The following CFAP221 variants were observed in gnomAD, a reference collection of about 807,000 sequenced individuals.
CFAP221 encodes the protein cilia- and flagella-associated protein 221.
A neutral mutation model predicts 113.1 loss-of-function variants in CFAP221; 97 were observed. The ratio of observed to expected loss-of-function variants is 0.86; its 90% CI spans 0.73 to 1.02. The LOEUF (loss-of-function observed/expected upper bound fraction) is 1.02, where lower values mean the gene tolerates loss of function less well. CFAP221 is among the 50% of genes least tolerant of loss of function. The probability of loss-of-function intolerance (pLI) is 0.00; values close to 1 mark genes in which losing one functional copy is unlikely to be tolerated. For missense variants in CFAP221, 1,025 were observed against 1,013.4 expected, an observed-to-expected ratio of 1.01 and a Z score of -0.16; for synonymous variants, 331 against 354.4, an observed-to-expected ratio of 0.93 and a Z score of 0.74.
chr2:119,655,102 CTG>C (rs1198957657), intron 23 of CFAP221, among the ~76,000 whole-genome samples: 2 of 152,176 alleles, frequency 1.3e-5, no homozygotes, highest in Non-Finnish European at 2.9e-5. Flanking sequence ...CCCCTGAAGA[CTG>C]TTCTTTATTT....
chr2:119,560,130 C>A, intron 5 of CFAP221, 104 bp downstream of exon 5: 1 of 915,062 alleles, frequency 1.1e-6, no homozygotes, highest in Non-Finnish European at 1.6e-6. Context: ...CCACTGAGAG[C>A]TTTCTTGGCC....
chr2:119,582,303 A>G (rs1426492640), intron 6 of CFAP221, among the ~76,000 whole-genome samples: 1 of 152,200 alleles, frequency 6.6e-6, no homozygotes, highest in East Asian at 1.9e-4. Flanking sequence ...TTTGTTGTTT[A>G]AGCTAAAACT....
chr2:119,640,544 G>A (rs1687422741), intron 21 of CFAP221, among the ~76,000 whole-genome samples: 1 of 152,210 alleles, frequency 6.6e-6, no homozygotes, highest in Non-Finnish European at 1.5e-5. Flanking sequence ...CTGAGCCCTT[G>A]AATTCGCTTC....
chr2:119,564,742 T>C (rs1681503648), intron 6 of CFAP221, among the ~76,000 whole-genome samples: 1 of 152,218 alleles, frequency 6.6e-6, no homozygotes, highest in South Asian at 2.1e-4. Flanking sequence ...CTGTATGAAT[T>C]CACCACAGTT....
Position 119,589,018 on chromosome 2 carries a change from A to G in CFAP221, c.631+1796A>G, listed in dbSNP as rs560994574. Among the ~76,000 whole-genome samples the G allele has an allele frequency of 6.5e-4, 99 of 152,128 alleles. 1 individual carries two copies. Among genetic ancestry groups the G allele is most frequent in the African/African-American group, 2.3e-3 (94 of 41,510 alleles). On this transcript the variant is annotated intron_variant, in intron 7 of 23. Transcript: ENST00000413369. ...TGCAGAAGAGGAGAATGAAGGAGAG[A>G]GGGAAGCCCTGCAAGCCAGGGCTCT...
intron 16 of CFAP221, 37 bp from the exon 17 acceptor site, chr2:119,629,838 G>T: frequency 6.7e-7 from 1 of 1,497,602 alleles, no homozygotes; most frequent in South Asian, 1.1e-5. Flanking sequence ...CTTGCTCAGT[G>T]GTGATTGTTC....
intron 21 of CFAP221, among the ~76,000 whole-genome samples, chr2:119,642,956 G>C (rs1687584060): frequency 6.6e-6 from 1 of 151,184 alleles, no homozygotes; most frequent in Non-Finnish European, 1.5e-5. Context: ...TTAAGTTCTT[G>C]TTATTTTTAA....
chr2:119,556,073 A>T lies in CFAP221; in HGVS notation c.241-3616A>T, dbSNP rs573187365. ...AGCTCATTGGCACGATGTCCCCTGGAATTGTCTTAGACATTATTTGGTTGA... is the reference window on the plus strand; with the variant it reads ...AGCTCATTGGCACGATGTCCCCTGGTATTGTCTTAGACATTATTTGGTTGA... On this transcript the variant is annotated intron_variant, in intron 3 of 23. Transcript: ENST00000413369. The T allele has an allele frequency of 8.5e-5, 13 of 152,352 alleles. No homozygotes were observed. In the South Asian group the frequency reaches 2.7e-3, roughly 32 times the overall value. 9.4% of individuals were successfully genotyped at this position (152,352 alleles called of 1,614,324 possible).
chr2:119,621,915 A>G (rs1023513270), intron 14 of CFAP221, among the ~76,000 whole-genome samples: 1 of 152,234 alleles, frequency 6.6e-6, no homozygotes, highest in Non-Finnish European at 1.5e-5. Flanking sequence ...TATAGCACTA[A>G]ATGCCCACAG....
intron 1 of CFAP221, among the ~76,000 whole-genome samples, 199 bp downstream of exon 1, chr2:119,544,709 C>T (rs1428924111): frequency 6.6e-6 from 1 of 152,134 alleles, no homozygotes; most frequent in Non-Finnish European, 1.5e-5. Flanking sequence ...GACCCTGACC[C>T]TTAGCAGGAG....
At chr2:119,656,303 G>C in intron 23 of CFAP221, 59 bp from the exon 24 acceptor site, 1 of 1,386,896 alleles carries the variant, frequency 7.2e-7, no homozygotes. Flanking sequence ...GGCGGGGGGT[G>C]ATTTGCGTGG....
At chr2:119,581,513 G>A (rs1682842567) in intron 6 of CFAP221, among the ~76,000 whole-genome samples, 1 of 152,124 alleles carries the variant, frequency 6.6e-6, no homozygotes, top group Non-Finnish European at 1.5e-5. Flanking sequence ...AATAATACAG[G>A]AATTCACCCA....
In CFAP221 at chr2:119,593,054, A is replaced by G. The variant is rs545119974; in HGVS notation, c.631+5832A>G. 7.2e-5 allele frequency among the ~76,000 whole-genome samples: 11 copies of G among 152,318 alleles called. No homozygotes were observed. In the East Asian group the frequency reaches 1.9e-3, roughly 27 times the overall value. On this transcript the variant is annotated intron_variant, in intron 7 of 23. Coordinates refer to ENST00000413369, the MANE Select transcript of CFAP221 (RefSeq NM_001271049.2). ...AACTAGTAAAACCTTGAATGTTTTC[A>G]TGTTCTATTTGCTTTGTTCTCTTCC...
At chr2:119,576,652 C>G (rs1007587245) in intron 6 of CFAP221, among the ~76,000 whole-genome samples, 2 of 152,062 alleles carry the variant, frequency 1.3e-5, no homozygotes, top group Non-Finnish European at 2.9e-5. Flanking sequence ...GTGGGACTAC[C>G]GTACTTCTGG....
chr2:119,558,973 C>CTT (rs1681025442), intron 3 of CFAP221, among the ~76,000 whole-genome samples: 1 of 152,162 alleles, frequency 6.6e-6, no homozygotes, highest in African/African-American at 2.4e-5. Context: ...TGGGACAGAC[C>CTT]CAGCGTCTGG....
At chr2:119,627,931 A>G in intron 16 of CFAP221, 145 bp downstream of exon 16, 1 of 1,167,172 alleles carries the variant, frequency 8.6e-7, no homozygotes. Flanking sequence ...TACCAGTGGA[A>G]AACCAGGGAT....
intron 6 of CFAP221, among the ~76,000 whole-genome samples, chr2:119,578,849 A>T (rs932605735): frequency 6.6e-6 from 1 of 152,164 alleles, no homozygotes; most frequent in African/African-American, 2.4e-5. Context: ...TTTTAGTTAG[A>T]GTATATTTTT....
rs1278078542 is a variant in CFAP221, at chr2:119,625,946, C to G, written c.1516+258C>G. On this transcript the variant is annotated intron_variant, in intron 15 of 23. Transcript: ENST00000413369. The stretch of plus-strand genomic sequence containing the variant: ...CTCAACCTAGCATTCACACATTAAG[C>G]CTTTTAAACTTAATGGCTTAAAAGA... 3 of 443,176 alleles carry G rather than the reference C, an allele frequency of 6.8e-6. No homozygotes were observed. In the East Asian group the frequency reaches 1.2e-4, roughly 18 times the overall value. 27.5% of individuals were successfully genotyped at this position (443,176 alleles called of 1,614,324 possible).
At chr2:119,557,683 G>A (rs2104528678) in intron 3 of CFAP221, among the ~76,000 whole-genome samples, 1 of 151,412 alleles carries the variant, frequency 6.6e-6, no homozygotes, top group Admixed American at 6.6e-5. Context: ...TAGATGCTGG[G>A]TTAGGATCCT....
Sources: allele counts gnomAD v4.1 joint callset (sites outside exome capture counted in the v4.1 genomes callset), GRCh38; gene constraint gnomAD v4.1.1; transcripts MANE v1.5; gene names NCBI Gene and HGNC (gene_info 2026-07-23, HGNC 2026-07-21).